Variants in RASA3 observed in about 807,000 individuals in gnomAD.
The protein encoded by RASA3 is RAS p21 protein activator 3, also known as ras GTPase-activating protein 3.
A neutral mutation model predicts 110.0 loss-of-function variants in RASA3; 73 were observed. The observed-to-expected ratio is 0.66, with a 90% CI of 0.55 to 0.81. RASA3 has a LOEUF of 0.81. Ranked by LOEUF, RASA3 falls within the 30% of genes least tolerant of loss-of-function variation. The probability of loss-of-function intolerance (pLI) is 0.00; values close to 1 mark genes in which losing one functional copy is unlikely to be tolerated. For missense variants in RASA3, 976 were observed against 1,113.2 expected (o/e 0.88, Z 1.75); for synonymous variants, 500 against 451.4 (o/e 1.11, Z -1.37).
chr13:114,000,740 C>T, intron 19 of RASA3, 86 bp downstream of exon 19: 3 of 1,033,346 alleles, frequency 2.9e-6, no homozygotes, highest in South Asian at 1.3e-5. Context: ...CCTTCCTCCC[C>T]TCAGCTCTCC....
Position 114,013,576 on chromosome 13 carries a change from GTCTC to G in RASA3, c.1406-332_1406-329del, listed in dbSNP as rs539041789. Among the ~76,000 whole-genome samples, 102 of 63,588 alleles carry G rather than the reference GTCTC, an allele frequency of 1.6e-3. 5 individuals are homozygous for G. The highest frequency in any genetic ancestry group is 2.5e-3 in the Non-Finnish European group (88 of 35,348). 41.7% of individuals were successfully genotyped at this position (63,588 alleles called of 152,430 possible). A position where few individuals can be genotyped will look rare whatever the true frequency, so the allele number is the denominator to read the frequency against. ...TCCCTCTGTCTCTCTCCCTATCTCT[GTCTC>G]TCTCTCTCTCTCTCCGTCTCTGGCT... On this transcript the variant is annotated intron_variant, in intron 14 of 23. Transcript: ENST00000334062.
At chr13:114,113,632 C>T (rs1483099083) in intron 1 of RASA3, among the ~76,000 whole-genome samples, 3 of 139,922 alleles carry the variant, frequency 2.1e-5, no homozygotes, top group Admixed American at 7.1e-5. Flanking sequence ...GAGTGATGTC[C>T]GTACAGCTCA....
At chr13:114,064,719 C>T (rs1477753027) in intron 2 of RASA3, among the ~76,000 whole-genome samples, 1 of 152,262 alleles carries the variant, frequency 6.6e-6, no homozygotes, top group Non-Finnish European at 1.5e-5. Flanking sequence ...CCAGGTGCCC[C>T]CCTTCCCATC....
chr13:113,993,866 C>T (rs924762938), intron 21 of RASA3, among the ~76,000 whole-genome samples: 4 of 149,028 alleles, frequency 2.7e-5, no homozygotes, highest in African/African-American at 2.5e-5. Flanking sequence ...TACAGAAGCA[C>T]GTCTTTGATG....
At chr13:114,119,400 C>T (rs529334763) in intron 1 of RASA3, among the ~76,000 whole-genome samples, 3 of 152,140 alleles carry the variant, frequency 2.0e-5, no homozygotes, top group East Asian at 1.9e-4. Flanking sequence ...GGAAGCGGTA[C>T]GGAGGTCCCG....
At chr13:114,040,335 A>C (rs1246805481) in intron 4 of RASA3, among the ~76,000 whole-genome samples, 18 of 135,698 alleles carry the variant, frequency 1.3e-4, no homozygotes, top group East Asian at 2.3e-4. Context: ...GCGAACACGC[A>C]CAACCCAAAA....
rs905549339 is a variant in RASA3, at chr13:113,984,577, C to T, written c.2246-2719G>A. ...CATCCATCCATCCACCCATCACTCA[C>T]CCTTTGGTCCATGAACCTAACACTC... On this transcript the variant is annotated intron_variant, in intron 22 of 23. Transcript: ENST00000334062. 1.2e-4 allele frequency among the ~76,000 whole-genome samples: 5 copies of T among 42,200 alleles called. 1 individual carries two copies. The highest frequency in any genetic ancestry group is 1.1e-3 in the Admixed American group (5 of 4,358). 27.7% of individuals were successfully genotyped at this position (42,200 alleles called of 152,430 possible).
intron 4 of RASA3, among the ~76,000 whole-genome samples, chr13:114,038,543 C>G (rs1461451104): frequency 1.3e-5 from 2 of 152,246 alleles, no homozygotes; most frequent in Non-Finnish European, 2.9e-5. Context: ...GGCTCCACTC[C>G]TTAATTTCCG....
At chr13:114,083,432 G>A (rs1270047043) in intron 1 of RASA3, among the ~76,000 whole-genome samples, 1 of 152,256 alleles carries the variant, frequency 6.6e-6, no homozygotes, top group Non-Finnish European at 1.5e-5. Flanking sequence ...CCGTTCAGAG[G>A]CACCCACACC....
chr13:113,992,709 C>T (rs1047252648), intron 21 of RASA3, 121 bp from the exon 22 acceptor site: 11 of 799,618 alleles, frequency 1.4e-5, no homozygotes, highest in East Asian at 5.7e-5. Flanking sequence ...AAGTGAAATT[C>T]GACAGGATCG....
At chr13:114,064,611 G>A (rs2079414843) in intron 2 of RASA3, among the ~76,000 whole-genome samples, 2 of 152,220 alleles carry the variant, frequency 1.3e-5, no homozygotes, top group African/African-American at 4.8e-5. Context: ...AATGAAACCG[G>A]CTGAACGCTA....
rs762589097 is a variant in RASA3 at position 113,978,469 on chromosome 13, G to A, written c.*878C>T. The stretch of plus-strand genomic sequence containing the variant: ...TTGTATCAAAGAGCTAATTAAAAAT[G>A]GTCCTTCAAAAACATAAAGAAAAAC... On this transcript the variant is annotated 3_prime_UTR_variant, in exon 24 of 24. Coordinates refer to ENST00000334062, the MANE Select transcript of RASA3 (RefSeq NM_007368.4). 6.6e-6 allele frequency: 1 copy of A among 152,132 alleles called. No homozygotes were observed. Among genetic ancestry groups the A allele is most frequent in the African/African-American group, 2.4e-5 (1 of 41,424 alleles). The allele number at this position is 152,132 out of a possible 1,614,324, so 9.4% of individuals were successfully genotyped here.
chr13:114,052,500 G>A (rs1043236485), intron 2 of RASA3, among the ~76,000 whole-genome samples: 2 of 152,196 alleles, frequency 1.3e-5, no homozygotes, highest in African/African-American at 4.8e-5. Context: ...TGTTTCGAAG[G>A]TACCTGGTTT....
In RASA3 at chr13:113,996,751, G is replaced by A. The variant is rs781385097; in HGVS notation, c.1933-12C>T. The stretch of plus-strand genomic sequence containing the variant: ...ATGACCTGGAACATCTGAGGACACA[G>A]GTGGGCTCAGGACAGCGCACATGAG... On this transcript the variant is annotated splice_polypyrimidine_tract_variant and intron_variant, in intron 20 of 23. Transcript: ENST00000334062. The A allele has an allele frequency of 8.7e-6, 14 of 1,610,468 alleles. No individual in the cohort carries two copies. The highest frequency in any genetic ancestry group is 1.7e-5 in the Admixed American group (1 of 59,986).
At chr13:114,040,706 C>G (rs554270500) in intron 4 of RASA3, among the ~76,000 whole-genome samples, 1 of 144,236 alleles carries the variant, frequency 6.9e-6, no homozygotes, top group South Asian at 2.2e-4. Context: ...AAAATCCACA[C>G]GCGGAGCCCG....
chr13:114,029,743 T>A, intron 5 of RASA3, 68 bp downstream of exon 5: 1 of 1,432,398 alleles, frequency 7.0e-7, no homozygotes. Flanking sequence ...TGAAAACCCC[T>A]GTGTGCTCCT....
intron 2 of RASA3, among the ~76,000 whole-genome samples, chr13:114,066,939 G>A (rs964355437): frequency 7.1e-6 from 1 of 140,480 alleles, no homozygotes; most frequent in Non-Finnish European, 1.6e-5. Context: ...AACCTGGGCT[G>A]AGGACGGGCC....
At chr13:114,106,023 G>A (rs1215622421) in intron 1 of RASA3, among the ~76,000 whole-genome samples, 1 of 152,184 alleles carries the variant, frequency 6.6e-6, no homozygotes, top group African/African-American at 2.4e-5. Flanking sequence ...GCAGGAAATC[G>A]CAGGCACTGA....
At chr13:114,024,646 G>A (rs1173891678) in intron 7 of RASA3, among the ~76,000 whole-genome samples, 3 of 152,260 alleles carry the variant, frequency 2.0e-5, no homozygotes, top group Non-Finnish European at 4.4e-5. Flanking sequence ...CGGGCTCTGG[G>A]TACCTAAATG....
Sources: gnomAD v4.1 joint callset for allele counts (sites outside exome capture counted in the v4.1 genomes callset) on GRCh38, gnomAD v4.1.1 for gene constraint, MANE v1.5 for transcripts, NCBI Gene and HGNC (gene_info 2026-07-23, HGNC 2026-07-21) for gene names.